The following MTMR10 variants were observed in gnomAD, a reference collection of about 807,000 sequenced individuals.
The protein encoded by MTMR10 is myotubularin-related protein 10.
A neutral mutation model predicts 88.1 loss-of-function variants in MTMR10; 56 were observed. The ratio of observed to expected loss-of-function variants is 0.64; its 90% CI spans 0.51 to 0.79. The LOEUF (loss-of-function observed/expected upper bound fraction) is 0.79, where lower values mean the gene tolerates loss of function less well. Among genes scored for constraint, MTMR10 ranks in the 30% least tolerant of loss-of-function variants. The probability of loss-of-function intolerance (pLI) is 0.00; values close to 1 mark genes in which losing one functional copy is unlikely to be tolerated. For synonymous variants in MTMR10, 380 were observed against 340.9 expected (o/e 1.11, Z -1.26); for missense variants, 883 against 924.7 (o/e 0.95, Z 0.58).
the MTMR10 span, among the ~76,000 whole-genome samples, chr15:30,918,882 G>A: frequency 6.6e-6 from 1 of 152,158 alleles, no homozygotes; most frequent in East Asian, 1.9e-4. Context: ...ACCCTTGAAT[G>A]ATGCAGGGGT....
intron 2 of MTMR10, among the ~76,000 whole-genome samples, chr15:30,989,601 G>GA (rs2031172862): frequency 1.0e-5 from 1 of 96,002 alleles, no homozygotes; most frequent in Non-Finnish European, 2.3e-5. Flanking sequence ...TTTTTTTTTT[G>GA]AGACGGTGTC....
intron 10 of MTMR10, among the ~76,000 whole-genome samples, chr15:30,954,272 G>A (rs1392125060): frequency 1.3e-5 from 2 of 152,184 alleles, no homozygotes; most frequent in Non-Finnish European, 2.9e-5. Context: ...GATCTCTTGA[G>A]GAGGACCCAC....
At chr15:30,969,212 G>C (rs909808554) in intron 5 of MTMR10, among the ~76,000 whole-genome samples, 1 of 151,812 alleles carries the variant, frequency 6.6e-6, no homozygotes, top group Non-Finnish European at 1.5e-5. Context: ...GTCTCACTAA[G>C]TTAAAATATA....
At chr15:30,937,177 C>T (rs1057039594), downstream of MTMR10, 2 of 1,613,948 alleles carry the variant, frequency 1.2e-6, no homozygotes, top group African/African-American at 1.3e-5. Context: ...ATCTGGCTGG[C>T]TGAACTGCAG....
At position 30,941,803 on chromosome 15, in the gene MTMR10, C is replaced by G. The variant is rs530080289; in HGVS notation, c.2001G>C (p.Glu667Asp). Residue 667 changes from glutamate to aspartate, a missense_variant, in exon 16 of 16, where the codon GAG becomes GAC. Glu to Asp is a conservative substitution (Grantham distance 45, BLOSUM62 2). Transcript: ENST00000435680. ...WKLCYFRWVP[E>D]AQISLGGSIT... ...TGGAGCCACCCAGGCTGATCTGGGCCTCGGGAACCCAGCGGAAGTAGCACA... is the reference window on the plus strand; with the variant it reads ...TGGAGCCACCCAGGCTGATCTGGGCGTCGGGAACCCAGCGGAAGTAGCACA... The G allele has an allele frequency of 4.3e-6, 7 of 1,614,010 alleles. No individual in the cohort carries two copies. Among genetic ancestry groups the G allele is most frequent in the Admixed American group, 3.3e-5 (2 of 60,026 alleles).
chr15:30,928,986 A>C, the MTMR10 span, among the ~76,000 whole-genome samples: 1 of 152,232 alleles, frequency 6.6e-6, no homozygotes, highest in East Asian at 1.9e-4. Flanking sequence ...GCCTGTTCAG[A>C]GGTCCACCCA....
Position 30,942,965 on chromosome 15 carries a change from GA to G in MTMR10, c.1655del (p.Phe552SerfsTer19). On this transcript the variant is annotated frameshift_variant, in exon 15 of 16. Coordinates refer to ENST00000435680, the MANE Select transcript of MTMR10 (RefSeq NM_017762.3). LOFTEE classifies it high-confidence loss of function. Reference protein sequence around the residue: ...LQFTAKDRTLFHNPFYIGKST... With the variant: ...LQFTAKDRTLXHNPFYIGKST... ...TCTTTCCAATGTAGAAGGGGTTATG[GA>G]AAAGGGTGCGATCCTTTGCTGTAAA... 1 of 1,559,504 alleles carries G rather than the reference GA, an allele frequency of 6.4e-7. No homozygotes were observed.
At chr15:30,943,305 A>G in intron 14 of MTMR10, 2 of 985,328 alleles carry the variant, frequency 2.0e-6, no homozygotes, top group Non-Finnish European at 2.4e-6. Context: ...CTGCCTTAGG[A>G]CCCCAAGGAA....
chr15:30,980,413 G>A (rs183662234), intron 2 of MTMR10, among the ~76,000 whole-genome samples: 1 of 152,258 alleles, frequency 6.6e-6, no homozygotes, highest in Admixed American at 6.5e-5. Flanking sequence ...GAACCCCGAG[G>A]GGCTAGATTA....
rs1486556564 is a variant in MTMR10 at position 30,941,675 on chromosome 15, T to TC, written c.2128dup (p.Glu710GlyfsTer62). 6.2e-7 allele frequency: 1 copy of TC among 1,613,560 alleles called. No homozygotes were observed. Among genetic ancestry groups the TC allele is most frequent in the Admixed American group, 1.7e-5 (1 of 59,928 alleles). On this transcript the variant is annotated frameshift_variant, in exon 16 of 16. Coordinates refer to ENST00000435680, the MANE Select transcript of MTMR10 (RefSeq NM_017762.3). LOFTEE classifies it high-confidence loss of function. ...GAAGTACATCCTGCTCTGGCCCAGC[T>TC]CCCCATAGCAGGCCTCCAGGGGGCC...
chr15:30,959,231 C>T (rs2063368395), intron 7 of MTMR10, 110 bp from the exon 8 acceptor site: 4 of 948,776 alleles, frequency 4.2e-6, no homozygotes, highest in Non-Finnish European at 4.7e-6. Flanking sequence ...ATGTGCACCC[C>T]ACTTAGTAGC....
At chr15:30,969,326 G>A (rs959999637) in intron 5 of MTMR10, among the ~76,000 whole-genome samples, 2 of 152,044 alleles carry the variant, frequency 1.3e-5, no homozygotes, top group African/African-American at 4.8e-5. Context: ...CTATAGGAGA[G>A]CTTTCTATGA....
chr15:30,947,368 A>C (rs1471095677), intron 13 of MTMR10, 68 bp from the exon 14 acceptor site: 1 of 1,508,558 alleles, frequency 6.6e-7, no homozygotes, highest in Admixed American at 2.2e-5. Context: ...TTACTTCAAA[A>C]TGTACTGCTG....
In MTMR10 at chr15:30,942,004, T is replaced by C. The variant is rs143879487; in HGVS notation, c.1800A>G (p.Glu600=). ...TCAATGAATTTCTCCTTGGAAGTAATTCTTGGTCACTGATGATTCCATTCT... is the reference window on the plus strand; with the variant it reads ...TCAATGAATTTCTCCTTGGAAGTAACTCTTGGTCACTGATGATTCCATTCT... ...ALKNGIISDQ[E]LLPRRNSLIL... is the part of the protein sequence containing the mutation. Residue 600 remains glutamate (E), a synonymous_variant, in exon 16 of 16, where the codon GAA becomes GAG. Transcript: ENST00000435680. The C allele has an allele frequency of 1.7e-3, 2,677 of 1,613,846 alleles. 43 individuals are homozygous for C. The African/African-American group carries it at 0.032, about 19-fold the overall frequency.
rs932935342 is a variant in MTMR10, at chr15:30,961,006, A to G, written c.633T>C (p.Gly211=). 3.2e-6 allele frequency: 5 copies of G among 1,579,172 alleles called. No individual in the cohort carries two copies. Among genetic ancestry groups the G allele is most frequent in the Non-Finnish European group, 4.3e-6 (5 of 1,161,226 alleles). ...GGGGGGGNGA[G]GGSSQKTPLF... ...GTGGAGTTTTCTGGCTGCTGCCACCACCAGCTCCATTACCTCCTCCTCCTC... is the reference window on the plus strand; with the variant it reads ...GTGGAGTTTTCTGGCTGCTGCCACCGCCAGCTCCATTACCTCCTCCTCCTC... Residue 211 remains glycine, a synonymous_variant, in exon 7 of 16, where the codon GGT becomes GGC. Coordinates refer to ENST00000435680, the MANE Select transcript of MTMR10 (RefSeq NM_017762.3).
chr15:30,953,887 A>T (rs2063285065), intron 10 of MTMR10, among the ~76,000 whole-genome samples: 1 of 152,004 alleles, frequency 6.6e-6, no homozygotes, highest in South Asian at 2.1e-4. Context: ...ACCAACTCTG[A>T]CTCCCAACAG....
chr15:30,922,311 G>C, the MTMR10 span: 3 of 1,613,936 alleles, frequency 1.9e-6, no homozygotes, highest in South Asian at 2.2e-5. Flanking sequence ...TGGTGGGATC[G>C]ACTGGCCCTT....
At chr15:30,976,380 T>C (rs1012228173) in intron 3 of MTMR10, among the ~76,000 whole-genome samples, 2 of 152,048 alleles carry the variant, frequency 1.3e-5, no homozygotes, top group African/African-American at 4.8e-5. Flanking sequence ...CACTCCAGCC[T>C]GGGAGACAAG....
rs1235818894 is a variant in MTMR10 at position 30,941,461 on chromosome 15, C to A, written c.*9G>T. ...AGCTTCCCTCAAAATGTTCAGAAAA[C>A]ACCCTATTTTAGTCTTCATTTGCTA... On this transcript the variant is annotated 3_prime_UTR_variant, in exon 16 of 16. Coordinates refer to ENST00000435680, the MANE Select transcript of MTMR10 (RefSeq NM_017762.3). 1 of 1,591,048 alleles carries A rather than the reference C, an allele frequency of 6.3e-7. No homozygotes were observed. The highest frequency in any genetic ancestry group is 1.4e-5 in the African/African-American group (1 of 73,966).
Sources: allele counts gnomAD v4.1 joint callset (sites outside exome capture counted in the v4.1 genomes callset), GRCh38; gene constraint gnomAD v4.1.1; transcripts MANE v1.5; gene names NCBI Gene and HGNC (gene_info 2026-07-23, HGNC 2026-07-21).